SLC25A17: variants seen among roughly 807,000 people sequenced by gnomAD.
The protein encoded by SLC25A17 is solute carrier family 25 member 17.
In SLC25A17, 26 loss-of-function variants were observed where a neutral mutation model predicts 38.5. The ratio of observed to expected loss-of-function variants is 0.68; its 90% confidence interval spans 0.50 to 0.94. The LOEUF (loss-of-function observed/expected upper bound fraction) is 0.94. Among genes scored for constraint, SLC25A17 ranks in the 40% least tolerant of loss-of-function variants. The pLI is 0.00. For synonymous variants in SLC25A17, 139 were observed against 136.2 expected (o/e 1.02, Z -0.14); for missense variants, 333 against 372.7 (o/e 0.89, Z 0.88).
At position 40,770,838 on chromosome 22, in the gene SLC25A17, T is replaced by C. The variant is rs758464593; in HGVS notation, c.920A>G (p.His307Arg). 3.9e-5 allele frequency: 63 copies of C among 1,604,452 alleles called. No individual in the cohort carries two copies. The highest frequency in any genetic ancestry group is 5.3e-5 in the Non-Finnish European group (62 of 1,174,462). ...TVMGLKRAHQ[H>R] ...AATTTTTCATGGGAAGGCGTCTCAG[T>C]GTTGGTGTGCACGCTTCAGCCCCAT... is the stretch of plus-strand genomic sequence containing the variant. The change falls in exon 9 of 9, where the codon CAC (histidine) becomes CGC (arginine). Residue 307 changes from histidine (H) to arginine (R), a missense_variant. His to Arg is a conservative substitution (Grantham distance 29, BLOSUM62 0). Transcript: ENST00000435456.
Position 40,792,674 on chromosome 22 carries a change from A to C in SLC25A17, c.185T>G (p.Leu62Arg). ...LLEIIKEEGL[L>R]APYRGWFPVI... ...TGGAAACCACCCTCGATATGGTGCC[A>C]GGCTAGGGGAAAAACACAATAAGCA... Residue 62 changes from leucine to arginine, a missense_variant and splice_region_variant, in exon 4 of 9, where the codon CTG becomes CGG. Physicochemically the swap from Leu to Arg is moderately radical, Grantham distance 102 (BLOSUM62 -2). Coordinates refer to ENST00000435456, the MANE Select transcript of SLC25A17 (RefSeq NM_006358.4). 1 of 1,613,828 alleles carries C rather than the reference A, an allele frequency of 6.2e-7. No homozygotes were observed. Among genetic ancestry groups the C allele is most frequent in the Non-Finnish European group, 8.5e-7 (1 of 1,179,878 alleles).
chr22:40,802,052 A>G (rs1388423975), intron 1 of SLC25A17, among the ~76,000 whole-genome samples: 1 of 151,940 alleles, frequency 6.6e-6, no homozygotes, highest in Non-Finnish European at 1.5e-5. Flanking sequence ...TCGGCCTCCC[A>G]AAATGCTGGG....
At chr22:40,810,712 T>C (rs1293569081) in intron 1 of SLC25A17, among the ~76,000 whole-genome samples, 1 of 152,196 alleles carries the variant, frequency 6.6e-6, no homozygotes, top group Non-Finnish European at 1.5e-5. Flanking sequence ...AATCACATAG[T>C]ATAAATGACA....
At chr22:40,802,552 A>G (rs371060581) in intron 1 of SLC25A17, among the ~76,000 whole-genome samples, 1 of 152,176 alleles carries the variant, frequency 6.6e-6, no homozygotes, top group Admixed American at 6.5e-5. Flanking sequence ...GGCTGAGGCA[A>G]GAGAATCACT....
chr22:40,774,087 G>A (rs1220372227), intron 7 of SLC25A17, 68 bp from the exon 8 acceptor site: 3 of 941,022 alleles, frequency 3.2e-6, no homozygotes, highest in Non-Finnish European at 3.5e-6. Context: ...TTTACCTGGG[G>A]AGGATATTAT....
chr22:40,782,216 T>A (rs545019765), intron 4 of SLC25A17, among the ~76,000 whole-genome samples: 95 of 132,828 alleles, frequency 7.2e-4, no homozygotes, highest in African/African-American at 2.6e-3. Flanking sequence ...CGAGACCCCA[T>A]CTCAAAACAA....
At position 40,792,659 on chromosome 22, in the gene SLC25A17, C is replaced by A. The variant is rs761682464; in HGVS notation, c.200G>T (p.Gly67Val). The change falls in exon 4 of 9, where the codon GGG becomes GTG. Residue 67 changes from glycine (G) to valine (V), a missense_variant. Physicochemically the swap from Gly to Val is moderately radical, Grantham distance 109. Transcript: ENST00000435456. ...KEEGLLAPYR[G>V]WFPVISSLCC... ...GAGACTGGAAATCACTGGAAACCAC[C>A]CTCGATATGGTGCCAGGCTAGGGGA... 1.2e-6 allele frequency: 2 copies of A among 1,613,816 alleles called. No homozygotes were observed. Among genetic ancestry groups the A allele is most frequent in the African/African-American group, 1.3e-5 (1 of 74,860 alleles).
rs748072213 is a variant in SLC25A17, at chr22:40,777,309, T to C, written c.516A>G (p.Ser172=). The C allele has an allele frequency of 6.2e-7, 1 of 1,614,194 alleles. No homozygotes were observed. The highest frequency in any genetic ancestry group is 1.1e-5 in the South Asian group (1 of 91,086). ...TGGCAGGATTGAAGACCAACAGCAA[T>C]GAGGGAAATGTGCCATTCCATAAAG... ...ISALWNGTFP[S]LLLVFNPAIQ... The change falls in exon 6 of 9, where the codon TCA becomes TCG. Residue 172 remains serine (S), a synonymous_variant. Coordinates refer to ENST00000435456, the MANE Select transcript of SLC25A17 (RefSeq NM_006358.4).
At chr22:40,783,981 A>C (rs1312045439) in intron 4 of SLC25A17, among the ~76,000 whole-genome samples, 1 of 152,320 alleles carries the variant, frequency 6.6e-6, no homozygotes, top group East Asian at 1.9e-4. Context: ...TTGGGATTAC[A>C]GGCATGAGCC....
At position 40,798,695 on chromosome 22, in the gene SLC25A17, T is replaced by C. The variant is rs143927837; in HGVS notation, c.115+328A>G. Among the ~76,000 whole-genome samples, 503 of 128,096 alleles carry C rather than the reference T, an allele frequency of 3.9e-3. 4 individuals are homozygous for C. Among genetic ancestry groups the C allele is most frequent in the African/African-American group, 0.014 (483 of 33,490 alleles). The allele number at this position is 128,096 out of a possible 152,430, so 84.0% of individuals were successfully genotyped here. On this transcript the variant is annotated intron_variant, in intron 2 of 8. Transcript: ENST00000435456. ...AAAAAAAAAAAAAAGAGGCTGGGTATGGTGGCTCATCCCTGTAATCCCAGC... is the reference window on the plus strand; with the variant it reads ...AAAAAAAAAAAAAAGAGGCTGGGTACGGTGGCTCATCCCTGTAATCCCAGC...
At chr22:40,797,148 C>G (rs2057438001) in intron 2 of SLC25A17, 1 of 434,612 alleles carries the variant, frequency 2.3e-6, no homozygotes, top group South Asian at 1.7e-5. Flanking sequence ...TGAGCATTTT[C>G]ACTGCACTGT....
chr22:40,797,290 C>T (rs1267954759), intron 2 of SLC25A17: 2 of 1,294,714 alleles, frequency 1.5e-6, no homozygotes, highest in Non-Finnish European at 2.0e-6. Flanking sequence ...TTACTCATCT[C>T]TTCATGCAAG....
chr22:40,771,071 T>G lies in SLC25A17; in HGVS notation c.777-90A>C, dbSNP rs1020543425. 4 of 1,113,444 alleles carry G rather than the reference T, an allele frequency of 3.6e-6. No individual in the cohort carries two copies. In the African/African-American group the frequency reaches 6.3e-5, roughly 18 times the overall value. 69.0% of individuals were successfully genotyped at this position (1,113,444 alleles called of 1,614,324 possible). Reference sequence around the variant, plus strand: ...TAGCTACTTTGATAAGAACAAGCAATAGAGGTTTTAGATTTCAACACAGAC... The same window carrying G: ...TAGCTACTTTGATAAGAACAAGCAAGAGAGGTTTTAGATTTCAACACAGAC... On this transcript the variant is annotated intron_variant, in intron 8 of 8. Transcript: ENST00000435456.
At chr22:40,796,203 C>T (rs1215729370) in intron 2 of SLC25A17, among the ~76,000 whole-genome samples, 1 of 152,220 alleles carries the variant, frequency 6.6e-6, no homozygotes, top group Admixed American at 6.5e-5. Flanking sequence ...GAAAACAAAA[C>T]TCACCTCAAT....
chr22:40,791,991 T>G (rs572710295), intron 4 of SLC25A17, among the ~76,000 whole-genome samples: 1 of 152,160 alleles, frequency 6.6e-6, no homozygotes, highest in Non-Finnish European at 1.5e-5. Flanking sequence ...TAAGTGCCTA[T>G]TAACAGATGA....
intron 4 of SLC25A17, chr22:40,779,870 G>C (rs2057279683): frequency 6.6e-6 from 1 of 151,704 alleles, no homozygotes; most frequent in African/African-American, 2.4e-5. Flanking sequence ...ACCATCTTGA[G>C]ATATTAAAAT....
At chr22:40,786,030 G>C (rs928249908) in intron 4 of SLC25A17, among the ~76,000 whole-genome samples, 1 of 152,120 alleles carries the variant, frequency 6.6e-6, no homozygotes, top group Non-Finnish European at 1.5e-5. Context: ...GGAGGTTCTG[G>C]CTGGGCACAG....
intron 1 of SLC25A17, among the ~76,000 whole-genome samples, chr22:40,804,352 T>C (rs533366317): frequency 6.6e-6 from 1 of 152,220 alleles, no homozygotes; most frequent in Non-Finnish European, 1.5e-5. Context: ...AGGGCCCCTG[T>C]GAAGGAATGG....
chr22:40,812,339 A>G (rs2057590877), intron 1 of SLC25A17, among the ~76,000 whole-genome samples: 1 of 152,220 alleles, frequency 6.6e-6, no homozygotes, highest in Non-Finnish European at 1.5e-5. Context: ...CAATCCACAT[A>G]TGAAGTTGGG....
Sources: gnomAD v4.1 joint callset for allele counts (sites outside exome capture counted in the v4.1 genomes callset) on GRCh38, gnomAD v4.1.1 for gene constraint, MANE v1.5 for transcripts, NCBI Gene and HGNC (gene_info 2026-07-23, HGNC 2026-07-21) for gene names.